The following AAMDC variants were observed in gnomAD, a reference collection of about 807,000 sequenced individuals.
AAMDC encodes the protein mth938 domain-containing protein.
A neutral mutation model predicts 15.5 loss-of-function variants in AAMDC; 16 were observed. The ratio of observed to expected loss-of-function variants is 1.03; its 90% CI spans 0.70 to 1.57. The LOEUF (loss-of-function observed/expected upper bound fraction) is 1.57. Among genes scored for constraint, AAMDC ranks in the 40% most tolerant of loss-of-function variants. AAMDC has a pLI of 0.00. For missense variants in AAMDC, 141 were observed against 144.9 expected (o/e 0.97, Z 0.14); for synonymous variants, 51 against 51.6 (o/e 0.99, Z 0.05).
At chr11:77,894,198 G>A in intron 5 of AAMDC, 1 of 670,342 alleles carries the variant, frequency 1.5e-6, no homozygotes, top group Non-Finnish European at 2.6e-6. Context: ...GCTAAACCAA[G>A]GAATGTGATT....
chr11:77,897,523 CAG>C (rs1339474947), intron 5 of AAMDC, among the ~76,000 whole-genome samples: 2 of 150,384 alleles, frequency 1.3e-5, no homozygotes, highest in Admixed American at 6.6e-5. Flanking sequence ...TTTTTTGAGA[CAG>C]AGTCTCACTC....
At chr11:77,837,285 G>C (rs569512290) in intron 1 of AAMDC, among the ~76,000 whole-genome samples, 2 of 151,734 alleles carry the variant, frequency 1.3e-5, no homozygotes, top group Non-Finnish European at 2.9e-5. Flanking sequence ...ACAGGCACCC[G>C]CCACCACACC....
intron 1 of AAMDC, among the ~76,000 whole-genome samples, chr11:77,834,822 TA>T (rs1949611854): frequency 6.6e-6 from 1 of 152,182 alleles, no homozygotes; most frequent in East Asian, 1.9e-4. Flanking sequence ...GGAAAGGACA[TA>T]ACTTTTGACA....
At chr11:77,889,929 A>G (rs1338718410) in intron 5 of AAMDC, among the ~76,000 whole-genome samples, 1 of 152,188 alleles carries the variant, frequency 6.6e-6, no homozygotes, top group Non-Finnish European at 1.5e-5. Flanking sequence ...TCAGGTGATC[A>G]GTGAAGTTTT....
rs532894234 is a variant in AAMDC, at chr11:77,829,743, T to A, written c.-19+8502T>A. 3.3e-5 allele frequency: 5 copies of A among 152,168 alleles called. No homozygotes were observed. The East Asian group carries it at 9.7e-4, about 29-fold the overall frequency. 9.4% of individuals were successfully genotyped at this position (152,168 alleles called of 1,614,324 possible). ...AATCCACAAGCAACAAAAGGAAAAA[T>A]AAATTAATAGACCTCATCAAAATTA... On this transcript the variant is annotated intron_variant, in intron 1 of 3. Coordinates refer to ENST00000393427, the MANE Select transcript of AAMDC (RefSeq NM_024684.4).
chr11:77,841,004 T>A lies in AAMDC; in HGVS notation c.-18-1475T>A, dbSNP rs1949909035. The A allele has an allele frequency of 5.9e-6, 3 of 510,324 alleles. No individual in the cohort carries two copies. In the East Asian group the frequency reaches 8.6e-5, roughly 15 times the overall value. The allele number at this position is 510,324 out of a possible 1,614,324, so 31.6% of individuals were successfully genotyped here. On this transcript the variant is annotated intron_variant, in intron 1 of 3. Coordinates refer to ENST00000393427, the MANE Select transcript of AAMDC (RefSeq NM_024684.4). Reference sequence around the variant, plus strand: ...AATTTAAAATTTATAATGAAAATAATTTTTTTTCTCACAGTTCTGGAGGCT... The same window carrying A: ...AATTTAAAATTTATAATGAAAATAAATTTTTTTCTCACAGTTCTGGAGGCT...
At chr11:77,866,740 AT>A (rs1951129945) in intron 2 of AAMDC, 2 of 152,300 alleles carry the variant, frequency 1.3e-5, no homozygotes, top group South Asian at 4.1e-4. Context: ...GAAAAAAAAA[AT>A]ATTAAAAAAA....
intron 1 of AAMDC, among the ~76,000 whole-genome samples, chr11:77,827,960 C>T (rs540201948): frequency 1.3e-5 from 2 of 152,234 alleles, no homozygotes; most frequent in South Asian, 4.1e-4. Flanking sequence ...TTATTCTGTA[C>T]ATTAGCAATG....
chr11:77,900,786 A>G (rs1952755956), downstream of AAMDC: 1 of 595,976 alleles, frequency 1.7e-6, no homozygotes, highest in African/African-American at 1.9e-5. Flanking sequence ...AAATGTGGCA[A>G]TTCCAGTTAT....
chr11:77,841,264 A>C, intron 1 of AAMDC: 1 of 702,328 alleles, frequency 1.4e-6, no homozygotes, highest in Non-Finnish European at 2.6e-6. Context: ...AGTTAAATTT[A>C]AACATGAGTT....
chr11:77,879,724 A>AT (rs1951721411), intron 5 of AAMDC, among the ~76,000 whole-genome samples: 1 of 152,194 alleles, frequency 6.6e-6, no homozygotes, highest in African/African-American at 2.4e-5. Flanking sequence ...CCTAGCAAGA[A>AT]TAATTAAGAA....
chr11:77,892,621 T>G (rs1330833817), intron 5 of AAMDC, among the ~76,000 whole-genome samples: 1 of 152,200 alleles, frequency 6.6e-6, no homozygotes, highest in Non-Finnish European at 1.5e-5. Context: ...CTCGCACTAT[T>G]GCCCGGGCTG....
Position 77,832,553 on chromosome 11 carries a change from G to A in AAMDC, c.-18-9926G>A, listed in dbSNP as rs535930524. 4.6e-5 allele frequency among the ~76,000 whole-genome samples: 7 copies of A among 151,834 alleles called. No homozygotes were observed. The South Asian group carries it at 1.3e-3, about 27-fold the overall frequency. ...GTTGGTCAGGCTGGTCTGAAACTCC[G>A]GACCTCAGGTGATCCACCCGCCTCA... is the stretch of plus-strand genomic sequence containing the variant. On this transcript the variant is annotated intron_variant, in intron 1 of 3. Transcript: ENST00000393427.
At chr11:77,869,359 A>AC (rs1172726399) in intron 2 of AAMDC, among the ~76,000 whole-genome samples, 1 of 128,714 alleles carries the variant, frequency 7.8e-6, no homozygotes, top group African/African-American at 3.1e-5. Flanking sequence ...GTTGCCCAGG[A>AC]TGGAGTGCAG....
intron 5 of AAMDC, chr11:77,879,222 A>G: frequency 2.2e-6 from 3 of 1,373,792 alleles, no homozygotes; most frequent in Non-Finnish European, 3.0e-6. Context: ...TGGAAGCAGT[A>G]GGGAGAAATT....
At chr11:77,903,418 A>C, downstream of AAMDC, 1 of 1,607,042 alleles carries the variant, frequency 6.2e-7, no homozygotes, top group Non-Finnish European at 8.5e-7. Flanking sequence ...GGGCAGCTAC[A>C]TGCCACAACT....
At position 77,887,717 on chromosome 11, in the gene AAMDC, A is replaced by T. The variant is rs187348452; in HGVS notation, c.328+10668A>T. ...TCTCCTTAAGCTGATAAGCAACTTCAGCAAAGTCTCAGGATACAAAATCAA... is the reference window on the plus strand; with the variant it reads ...TCTCCTTAAGCTGATAAGCAACTTCTGCAAAGTCTCAGGATACAAAATCAA... On this transcript the variant is annotated intron_variant, in intron 5 of 5. Transcript: ENST00000304716. 5.3e-5 allele frequency among the ~76,000 whole-genome samples: 8 copies of T among 152,066 alleles called. No homozygotes were observed. The East Asian group carries it at 1.2e-3, about 22-fold the overall frequency.
chr11:77,894,251 C>T, intron 5 of AAMDC: 2 of 1,132,666 alleles, frequency 1.8e-6, no homozygotes, highest in Non-Finnish European at 2.6e-6. Context: ...CTCCATGTAA[C>T]CAAGATTTAA....
intron 1 of AAMDC, among the ~76,000 whole-genome samples, chr11:77,821,527 G>A (rs1157822526): frequency 2.0e-5 from 3 of 152,156 alleles, no homozygotes; most frequent in Non-Finnish European, 4.4e-5. Context: ...GGAATCGTCG[G>A]AGTGAGGAGT....
Sources: allele counts gnomAD v4.1 joint callset (sites outside exome capture counted in the v4.1 genomes callset), GRCh38; gene constraint gnomAD v4.1.1; transcripts MANE v1.5; gene names NCBI Gene and HGNC (gene_info 2026-07-23, HGNC 2026-07-21).